Variants in CADM4 observed in about 807,000 individuals in gnomAD.
CADM4 encodes cell adhesion molecule 4.
CADM4 carries 13 observed loss-of-function variants against 43.9 expected under a neutral mutation model. The ratio of observed to expected loss-of-function variants is 0.30; its 90% CI spans 0.19 to 0.47. The LOEUF (loss-of-function observed/expected upper bound fraction) is 0.47, where lower values mean the gene tolerates loss of function less well. Ranked by LOEUF, CADM4 falls within the 20% of genes least tolerant of loss-of-function variation. The probability of loss-of-function intolerance (pLI) is 1.00; values close to 1 mark genes in which losing one functional copy is unlikely to be tolerated. For synonymous variants in CADM4, 209 were observed against 220.9 expected (o/e 0.95, Z 0.48); for missense variants, 420 against 527.0 (o/e 0.80, Z 1.99).
Position 43,625,125 on chromosome 19 carries a change from G to A in CADM4, c.881C>T (p.Ser294Phe). Residue 294 changes from serine (S) to phenylalanine (F), a missense_variant, in exon 7 of 9, where the codon TCC (serine) becomes TTC (phenylalanine). By Grantham distance (155) the Ser-to-Phe change is radical (BLOSUM62 -2). Coordinates refer to ENST00000222374, the MANE Select transcript of CADM4 (RefSeq NM_145296.2). The surrounding 1 kb of genome is among the most constrained non-coding windows in gnomAD (Gnocchi z 4.5). ...CGCCCTCGCATGGCCGTGCTTATTG[G>A]ACGCCTCGCAAGTGTAGGTGCCGTT... ...ADNGTYTCEA[S>F]NKHGHARALY... is the part of the protein sequence containing the mutation. 1.9e-6 allele frequency: 3 copies of A among 1,613,898 alleles called. No homozygotes were observed. Among genetic ancestry groups the A allele is most frequent in the South Asian group, 2.2e-5 (2 of 91,058 alleles).
chr19:43,623,021 C>T lies in CADM4; in HGVS notation c.*309G>A, dbSNP rs1029294298. On this transcript the variant is annotated 3_prime_UTR_variant, in exon 9 of 9. Coordinates refer to ENST00000222374, the MANE Select transcript of CADM4 (RefSeq NM_145296.2). This position sits in a 1 kb window ranked among gnomAD's most constrained non-coding sequence, Gnocchi z 4.4. ...TCCCCACAAGACCTGGTTTTGTAGCCTAGGGGCCCTGGCCTTCCCCCAGTT... is the reference window on the plus strand; with the variant it reads ...TCCCCACAAGACCTGGTTTTGTAGCTTAGGGGCCCTGGCCTTCCCCCAGTT... The T allele has an allele frequency of 6.7e-6, 1 of 148,244 alleles. No homozygotes were observed. Among genetic ancestry groups the T allele is most frequent in the African/African-American group, 2.7e-5 (1 of 37,018 alleles). The allele number at this position is 148,244 out of a possible 1,614,324, so 9.2% of individuals were successfully genotyped here.
At position 43,626,220 on chromosome 19, in the gene CADM4, G is replaced by C. The variant is rs371938894; in HGVS notation, c.568C>G (p.Arg190Gly). 6.2e-7 allele frequency: 1 copy of C among 1,613,452 alleles called. No individual in the cohort carries two copies. The highest frequency in any genetic ancestry group is 8.5e-7 in the Non-Finnish European group (1 of 1,180,006). ...VASTVRFRVD[R>G]KDDGGIIICE... ...ATGATGATACCACCGTCGTCCTTACGGTCCACACGAAACCGTACTGTGCTT... is the reference window on the plus strand; with the variant it reads ...ATGATGATACCACCGTCGTCCTTACCGTCCACACGAAACCGTACTGTGCTT... The change falls in exon 5 of 9, where the codon CGT becomes GGT. Residue 190 changes from arginine (R) to glycine (G), a missense_variant. By Grantham distance (125) the Arg-to-Gly change is moderately radical. Transcript: ENST00000222374. This position sits in a 1 kb window ranked among gnomAD's most constrained non-coding sequence, Gnocchi z 5.9.
At chr19:43,639,632 A>C in intron 1 of CADM4, 95 bp downstream of exon 1, 9 of 638,076 alleles carry the variant, frequency 1.4e-5, no homozygotes, top group Non-Finnish European at 1.7e-5. Context: ...CCCCGCGCGC[A>C]TTGTTCGGCC....
chr19:43,639,853 C>CCGCCCCGCCCCCCG (rs1198545513), upstream of CADM4: 105 of 977,018 alleles, frequency 1.1e-4, no homozygotes, highest in Middle Eastern at 5.2e-4. Flanking sequence ...CCCGCGCCGC[C>CCGCCCCGCCCCCCG]CGCCCCGCCC....
Position 43,625,036 on chromosome 19 carries a change from G to GGGGCCCC in CADM4, c.928+41_928+42insGGGGCCC. On this transcript the variant is annotated intron_variant, in intron 7 of 8. Transcript: ENST00000222374. The surrounding 1 kb of genome is among the most constrained non-coding windows in gnomAD (Gnocchi z 4.5). Reference sequence around the variant, plus strand: ...GCTCAAGCCCCGCCCCCGCCACCTGGCGCCCCGCCCCCGCCCTCAGTCGGC... The same window carrying GGGGCCCC: ...GCTCAAGCCCCGCCCCCGCCACCTGGGGGCCCCCGCCCCGCCCCCGCCCTCAGTCGGC... 7.0e-7 allele frequency: 1 copy of GGGGCCCC among 1,419,984 alleles called. No homozygotes were observed. The highest frequency in any genetic ancestry group is 2.7e-5 in the East Asian group (1 of 36,380). The allele number at this position is 1,419,984 out of a possible 1,614,324, so 88.0% of individuals were successfully genotyped here. A position where few individuals can be genotyped will look rare whatever the true frequency, so the allele number is the denominator to read the frequency against.
At chr19:43,639,516 G>A (rs925193516) in intron 1 of CADM4, among the ~76,000 whole-genome samples, 7 of 150,904 alleles carry the variant, frequency 4.6e-5, no homozygotes, top group African/African-American at 2.4e-5. Flanking sequence ...CTGCGCGGGT[G>A]GGGGGGCTGC....
chr19:43,627,668 T>C lies in CADM4; in HGVS notation c.187A>G (p.Thr63Ala). The C allele has an allele frequency of 6.2e-7, 1 of 1,613,762 alleles. No individual in the cohort carries two copies. The highest frequency in any genetic ancestry group is 8.5e-7 in the Non-Finnish European group (1 of 1,179,780). ...CCACGGGTGCCATTGAAGAAGAGGG[T>C]CTGCCGGGCTGGGTTCTGGATGACA... ...IVVIQNPARQTLFFNGTRALK... is the reference protein window; with the variant it reads ...IVVIQNPARQALFFNGTRALK... The change falls in exon 2 of 9, where the codon ACC (threonine) becomes GCC (alanine). Residue 63 changes from threonine (T) to alanine (A), a missense_variant. Thr to Ala is a moderately conservative substitution (Grantham distance 58, BLOSUM62 0). Coordinates refer to ENST00000222374, the MANE Select transcript of CADM4 (RefSeq NM_145296.2). This position sits in a 1 kb window ranked among gnomAD's most constrained non-coding sequence, Gnocchi z 4.0.
At position 43,624,193 on chromosome 19, in the gene CADM4, C is replaced by T; in HGVS notation, c.978G>A (p.Val326=). The T allele has an allele frequency of 6.2e-7, 1 of 1,614,220 alleles. No individual in the cohort carries two copies. The highest frequency in any genetic ancestry group is 1.1e-5 in the South Asian group (1 of 91,082). Residue 326 remains valine (V), a synonymous_variant, in exon 8 of 9, where the codon GTG becomes GTA. Transcript: ENST00000222374. ...ACACCAGCAGCGCCAGGATGCCGCC[C>T]ACAATGGCATAGGGAACCGACGTCT... is the stretch of plus-strand genomic sequence containing the variant. The part of the protein sequence containing the change: ...EAQTSVPYAI[V]GGILALLVFL...
chr19:43,623,580 C>T lies in CADM4; in HGVS notation c.1058-141G>A. The T allele has an allele frequency of 2.9e-6, 2 of 678,542 alleles. No homozygotes were observed. The highest frequency in any genetic ancestry group is 4.4e-5 in the Admixed American group (2 of 45,184). 42.0% of individuals were successfully genotyped at this position (678,542 alleles called of 1,614,324 possible). On this transcript the variant is annotated intron_variant, in intron 8 of 8. Transcript: ENST00000222374. The surrounding 1 kb of genome is among the most constrained non-coding windows in gnomAD (Gnocchi z 4.4). ...GAGAAACGGAACACACAGGGAGAGG[C>T]AGAGAAAGAGGTAAACAGTGGCAGA...
At chr19:43,638,960 G>T (rs867829637) in intron 1 of CADM4, among the ~76,000 whole-genome samples, 1 of 152,142 alleles carries the variant, frequency 6.6e-6, no homozygotes, top group South Asian at 2.1e-4. Context: ...GAGAGAGGAG[G>T]CACAGCAGAA....
chr19:43,623,945 C>A lies in CADM4; in HGVS notation c.1057+169G>T, dbSNP rs1469972312. ...TCAGCTTCTAAATTCTACCCCTTTTCGAGTATTGTGCCGAAAGCCCCGCCC... is the reference window on the plus strand; with the variant it reads ...TCAGCTTCTAAATTCTACCCCTTTTAGAGTATTGTGCCGAAAGCCCCGCCC... On this transcript the variant is annotated intron_variant, in intron 8 of 8. Transcript: ENST00000222374. This position sits in a 1 kb window ranked among gnomAD's most constrained non-coding sequence, Gnocchi z 4.4. Among the ~76,000 whole-genome samples the A allele has an allele frequency of 6.6e-6, 1 of 152,162 alleles. No homozygotes were observed. Among genetic ancestry groups the A allele is most frequent in the Non-Finnish European group, 1.5e-5 (1 of 68,018 alleles).
In CADM4 at chr19:43,624,102, CG is replaced by C. The variant is rs1973484357; in HGVS notation, c.1057+11del. The C allele has an allele frequency of 6.2e-7, 1 of 1,614,000 alleles. No individual in the cohort carries two copies. The highest frequency in any genetic ancestry group is 1.1e-5 in the South Asian group (1 of 91,080). Reference sequence around the variant, plus strand: ...CCAACCAACCGTAGAGTCCAGGCCCCGTCCCACTCACCCTTCTGCCGTACCG... The same window carrying C: ...CCAACCAACCGTAGAGTCCAGGCCCCTCCCACTCACCCTTCTGCCGTACCG... On this transcript the variant is annotated intron_variant, in intron 8 of 8. Coordinates refer to ENST00000222374, the MANE Select transcript of CADM4 (RefSeq NM_145296.2).
In CADM4 at chr19:43,639,812, G is replaced by T; in HGVS notation, c.-22C>A. 1.0e-6 allele frequency: 1 copy of T among 999,522 alleles called. No individual in the cohort carries two copies. The highest frequency in any genetic ancestry group is 6.1e-5 in the Admixed American group (1 of 16,366). The allele number at this position is 999,522 out of a possible 1,614,324, so 61.9% of individuals were successfully genotyped here. A position where few individuals can be genotyped will look rare whatever the true frequency, so the allele number is the denominator to read the frequency against. On this transcript the variant is annotated 5_prime_UTR_variant, in exon 1 of 9. Coordinates refer to ENST00000222374, the MANE Select transcript of CADM4 (RefSeq NM_145296.2). ...CCATGGTGCCGCCGCCGCCGCCGCC[G>T]CCGCTCGCTCCCGGCCCGGCACCTG...
intron 7 of CADM4, 139 bp downstream of exon 7, chr19:43,624,934 AGCCCC>A: frequency 1.2e-6 from 1 of 854,984 alleles, no homozygotes; most frequent in South Asian, 1.8e-5. Context: ...CCCGAATTTG[AGCCCC>A]GCGGGCCAGT....
At chr19:43,629,967 G>A (rs1973592969) in intron 1 of CADM4, among the ~76,000 whole-genome samples, 1 of 152,046 alleles carries the variant, frequency 6.6e-6, no homozygotes, top group South Asian at 2.1e-4. Context: ...GGAGTGCAGT[G>A]GCACGATCTC....
Position 43,625,025 on chromosome 19 carries a change from C to T in CADM4, c.928+53G>A. 1.7e-6 allele frequency: 2 copies of T among 1,204,082 alleles called. No homozygotes were observed. Among genetic ancestry groups the T allele is most frequent in the Non-Finnish European group, 2.3e-6 (2 of 875,748 alleles). 74.6% of individuals were successfully genotyped at this position (1,204,082 alleles called of 1,614,324 possible). On this transcript the variant is annotated intron_variant, in intron 7 of 8. Coordinates refer to ENST00000222374, the MANE Select transcript of CADM4 (RefSeq NM_145296.2). The surrounding 1 kb of genome is among the most constrained non-coding windows in gnomAD (Gnocchi z 4.5). ...GTGGCCTCTTTGCTCAAGCCCCGCCCCCGCCACCTGGCGCCCCGCCCCCGC... is the reference window on the plus strand; with the variant it reads ...GTGGCCTCTTTGCTCAAGCCCCGCCTCCGCCACCTGGCGCCCCGCCCCCGC...
At chr19:43,629,387 AGAAAAACAAGGT>A (rs1439456146) in intron 1 of CADM4, among the ~76,000 whole-genome samples, 1 of 152,210 alleles carries the variant, frequency 6.6e-6, no homozygotes, top group Non-Finnish European at 1.5e-5. Flanking sequence ...TTAATCCATC[AGAAAAACAAGGT>A]GGGGAATCTA....
At chr19:43,639,136 A>G (rs1427926782) in intron 1 of CADM4, among the ~76,000 whole-genome samples, 3 of 151,954 alleles carry the variant, frequency 2.0e-5, no homozygotes, top group Non-Finnish European at 4.4e-5. Flanking sequence ...AGACAGAGAC[A>G]GGGACCAAGA....
At chr19:43,636,509 G>A (rs1417023339) in intron 1 of CADM4, among the ~76,000 whole-genome samples, 1 of 152,092 alleles carries the variant, frequency 6.6e-6, no homozygotes, top group Non-Finnish European at 1.5e-5. Context: ...GCTCCCTATG[G>A]GCCTGGGGTC....
Sources: allele counts gnomAD v4.1 joint callset (sites outside exome capture counted in the v4.1 genomes callset), GRCh38; gene constraint gnomAD v4.1.1; non-coding constraint Gnocchi (gnomAD v3.1); transcripts MANE v1.5; gene names NCBI Gene and HGNC (gene_info 2026-07-23, HGNC 2026-07-21).